C1QTNF3: variants seen among roughly 807,000 people sequenced by gnomAD.
The protein encoded by C1QTNF3 is C1q and TNF related 3.
C1QTNF3 carries 26 observed loss-of-function variants against 32.6 expected under a neutral mutation model. The observed-to-expected ratio is 0.80, with a 90% CI of 0.58 to 1.11. The LOEUF (loss-of-function observed/expected upper bound fraction) is 1.11, where lower values mean the gene tolerates loss of function less well. C1QTNF3 is among the 50% of genes least tolerant of loss of function. The probability of loss-of-function intolerance (pLI) is 0.00; values close to 1 mark genes in which losing one functional copy is unlikely to be tolerated. For synonymous variants in C1QTNF3, 155 were observed against 146.0 expected (o/e 1.06, Z -0.44); for missense variants, 362 against 398.2 (o/e 0.91, Z 0.77).
At chr5:34,047,940 G>A (rs1383429801), upstream of C1QTNF3, among the ~76,000 whole-genome samples, 1 of 152,142 alleles carries the variant, frequency 6.6e-6, no homozygotes, top group African/African-American at 2.4e-5. Context: ...GCAAAATGAG[G>A]AACAAAGGAA....
the C1QTNF3 span, among the ~76,000 whole-genome samples, chr5:34,088,195 T>C: frequency 6.6e-6 from 1 of 151,960 alleles, no homozygotes; most frequent in Non-Finnish European, 1.5e-5. Context: ...TTGTTTTTCA[T>C]CCTTTTGCCC....
chr5:34,141,837 C>T, the C1QTNF3 span, among the ~76,000 whole-genome samples: 1 of 152,026 alleles, frequency 6.6e-6, no homozygotes, highest in Non-Finnish European at 1.5e-5. Context: ...TTCCTGGTGG[C>T]CTGAGAGCAT....
At chr5:34,212,341 TG>T in the C1QTNF3 span, among the ~76,000 whole-genome samples, 1 of 152,064 alleles carries the variant, frequency 6.6e-6, no homozygotes, top group Non-Finnish European at 1.5e-5. Context: ...GACACAGGCA[TG>T]GGCAAGGACT....
the C1QTNF3 span, among the ~76,000 whole-genome samples, chr5:34,063,292 TCTCTC>T: frequency 2.3e-5 from 2 of 85,840 alleles, no homozygotes; most frequent in South Asian, 3.6e-4. Context: ...CTCTTCCCTC[TCTCTC>T]CTCTCTCTCT....
the C1QTNF3 span, among the ~76,000 whole-genome samples, chr5:34,125,570 C>T: frequency 6.6e-6 from 1 of 151,742 alleles, no homozygotes; most frequent in Non-Finnish European, 1.5e-5. Flanking sequence ...CAAGTGACCA[C>T]TGGTTTTGCA....
chr5:34,116,515 T>TTATA, the C1QTNF3 span, among the ~76,000 whole-genome samples: 1 of 100,934 alleles, frequency 9.9e-6, no homozygotes, highest in African/African-American at 4.2e-5. Context: ...TGTTAAATGC[T>TTATA]TAAATTTTAT....
intron 4 of C1QTNF3, chr5:34,024,393 A>G (rs1754412855): frequency 5.5e-6 from 1 of 182,216 alleles, no homozygotes; most frequent in Non-Finnish European, 1.2e-5. Context: ...TTGTGGTTGA[A>G]CAACGATGCT....
the C1QTNF3 span, among the ~76,000 whole-genome samples, chr5:34,109,910 A>G: frequency 6.6e-6 from 1 of 152,286 alleles, no homozygotes; most frequent in Admixed American, 6.5e-5. Flanking sequence ...CTCACGGTAT[A>G]GTGGCTAGGT....
chr5:34,082,061 C>T, the C1QTNF3 span, among the ~76,000 whole-genome samples: 2 of 151,778 alleles, frequency 1.3e-5, no homozygotes, highest in African/African-American at 4.9e-5. Context: ...TTATAAGGGA[C>T]ACATTTTTAC....
chr5:34,037,300 G>A (rs984325653), intron 1 of C1QTNF3, among the ~76,000 whole-genome samples: 1 of 151,946 alleles, frequency 6.6e-6, no homozygotes, highest in Non-Finnish European at 1.5e-5. Flanking sequence ...AAAAAATGAA[G>A]CAAAGGAGAG....
upstream of C1QTNF3, among the ~76,000 whole-genome samples, chr5:34,044,166 T>C (rs191924391): frequency 6.3e-3 from 958 of 152,356 alleles, 10 homozygotes; most frequent in South Asian, 0.047. Flanking sequence ...AGGATTCTCA[T>C]GTCTTTGCTT....
intron 4 of C1QTNF3, chr5:34,024,282 C>A: frequency 3.1e-6 from 1 of 320,008 alleles, no homozygotes; most frequent in South Asian, 3.9e-5. Context: ...TGCCTTGTAC[C>A]CTGACAAAGT....
At chr5:34,166,018 T>C in the C1QTNF3 span, 1 of 148,070 alleles carries the variant, frequency 6.8e-6, no homozygotes, top group Admixed American at 6.9e-5. Context: ...TTGACTATGA[T>C]ACTGCCACTC....
chr5:34,160,494 A>G, the C1QTNF3 span, among the ~76,000 whole-genome samples: 1 of 152,294 alleles, frequency 6.6e-6, no homozygotes, highest in South Asian at 2.1e-4. Flanking sequence ...TAATTGGACT[A>G]CGAGGGAGCT....
At chr5:34,241,999 A>AGGAAGGAG in the C1QTNF3 span, among the ~76,000 whole-genome samples, 1 of 150,312 alleles carries the variant, frequency 6.7e-6, no homozygotes, top group African/African-American at 2.5e-5. Context: ...GAAGGAAGGA[A>AGGAAGGAG]GGAAGGAAAT....
chr5:34,067,599 T>A, the C1QTNF3 span, among the ~76,000 whole-genome samples: 2 of 152,170 alleles, frequency 1.3e-5, no homozygotes, highest in Admixed American at 1.3e-4. Context: ...GAGAACAGCA[T>A]GGGAAAGACT....
chr5:34,234,909 C>T, the C1QTNF3 span, among the ~76,000 whole-genome samples: 2 of 151,996 alleles, frequency 1.3e-5, no homozygotes, highest in Non-Finnish European at 2.9e-5. Flanking sequence ...AATTTTTTTT[C>T]TCACAATAGG....
At chr5:34,160,119 T>C in the C1QTNF3 span, among the ~76,000 whole-genome samples, 1 of 152,184 alleles carries the variant, frequency 6.6e-6, no homozygotes, top group East Asian at 1.9e-4. Context: ...TATTCAGTAC[T>C]GAGGGCATTA....
At chr5:34,201,914 A>G in the C1QTNF3 span, among the ~76,000 whole-genome samples, 1 of 152,212 alleles carries the variant, frequency 6.6e-6, no homozygotes. Flanking sequence ...TCCTGGGTCA[A>G]AAAGATGCTC....
Sources: gnomAD v4.1 joint callset for allele counts (sites outside exome capture counted in the v4.1 genomes callset) on GRCh38, gnomAD v4.1.1 for gene constraint, MANE v1.5 for transcripts, NCBI Gene and HGNC (gene_info 2026-07-23, HGNC 2026-07-21) for gene names.